LMCD1: variants seen among roughly 807,000 people sequenced by gnomAD.
LMCD1 encodes LIM and cysteine-rich domains protein 1.
In LMCD1, 32 loss-of-function variants were observed where a neutral mutation model predicts 42.7. The observed-to-expected ratio is 0.75, with a 90% CI of 0.57 to 1.01. The LOEUF (loss-of-function observed/expected upper bound fraction) is 1.01, where lower values mean the gene tolerates loss of function less well. Among genes scored for constraint, LMCD1 ranks in the 50% least tolerant of loss-of-function variants. The probability of loss-of-function intolerance (pLI) is 0.00; values close to 1 mark genes in which losing one functional copy is unlikely to be tolerated. For missense variants in LMCD1, 458 were observed against 483.1 expected, an observed-to-expected ratio of 0.95 and a Z score of 0.49; for synonymous variants, 178 against 184.9, an observed-to-expected ratio of 0.96 and a Z score of 0.30.
intron 4 of LMCD1, among the ~76,000 whole-genome samples, chr3:8,552,807 T>G (rs1694864876): frequency 6.6e-6 from 1 of 152,142 alleles, no homozygotes; most frequent in Non-Finnish European, 1.5e-5. Flanking sequence ...CACTGCAAGC[T>G]CCGCCTCCGA....
chr3:8,532,252 A>T (rs889659492), intron 1 of LMCD1, among the ~76,000 whole-genome samples: 8 of 152,176 alleles, frequency 5.3e-5, no homozygotes, highest in Admixed American at 6.5e-5. Flanking sequence ...TATTTAAGTT[A>T]TGCTTCAAGC....
chr3:8,560,239 A>C (rs959325002), intron 4 of LMCD1, among the ~76,000 whole-genome samples: 1 of 150,174 alleles, frequency 6.7e-6, no homozygotes, highest in Non-Finnish European at 1.5e-5. Flanking sequence ...ATCTCTACAA[A>C]AAATTTAAAT....
chr3:8,532,515 G>A (rs1234624819), intron 1 of LMCD1, among the ~76,000 whole-genome samples: 2 of 152,078 alleles, frequency 1.3e-5, no homozygotes, highest in Non-Finnish European at 2.9e-5. Context: ...ATTCTTATTG[G>A]GAAGAGCCCC....
chr3:8,567,742 G>GAT lies in LMCD1; in HGVS notation c.*152_*153dup. On this transcript the variant is annotated 3_prime_UTR_variant, in exon 6 of 6. Transcript: ENST00000157600. ...CTTTTCAGTGAGAATATATATATGAGATATATATAGATATATATTCTAGGT... is the reference window on the plus strand; with the variant it reads ...CTTTTCAGTGAGAATATATATATGAGATATATATATAGATATATATTCTAGGT... The GAT allele has an allele frequency of 1.6e-6, 1 of 623,270 alleles. No individual in the cohort carries two copies. The highest frequency in any genetic ancestry group is 2.5e-6 in the Non-Finnish European group (1 of 401,304). The allele number at this position is 623,270 out of a possible 1,614,324, so 38.6% of individuals were successfully genotyped here. A position where few individuals can be genotyped will look rare whatever the true frequency, so the allele number is the denominator to read the frequency against.
chr3:8,517,668 C>T (rs574141955), intron 1 of LMCD1, among the ~76,000 whole-genome samples: 6 of 152,272 alleles, frequency 3.9e-5, no homozygotes, highest in South Asian at 2.1e-4. Context: ...GCTAAAACGC[C>T]TTTATCATCC....
rs55750013 is a variant in LMCD1 at position 8,556,481 on chromosome 3, A to G, written c.723+7578A>G. 9.1e-3 allele frequency among the ~76,000 whole-genome samples: 1,381 copies of G among 152,220 alleles called. 23 individuals carry two copies. The highest frequency in any genetic ancestry group is 0.031 in the African/African-American group (1,277 of 41,520). ...TACTGTGGATTACAGACAAAAACAA[A>G]AATTTCAAAAAACAAAGCTGAGGAA... On this transcript the variant is annotated intron_variant, in intron 4 of 5. Coordinates refer to ENST00000157600, the MANE Select transcript of LMCD1 (RefSeq NM_014583.4).
chr3:8,505,170 G>A (rs958806762), intron 1 of LMCD1, among the ~76,000 whole-genome samples: 1 of 152,208 alleles, frequency 6.6e-6, no homozygotes, highest in African/African-American at 2.4e-5. Flanking sequence ...ATTTTCTGGT[G>A]AATGAGGACA....
intron 4 of LMCD1, 103 bp from the exon 5 acceptor site, chr3:8,565,329 C>A: frequency 9.9e-7 from 1 of 1,009,120 alleles, no homozygotes; most frequent in Non-Finnish European, 1.5e-6. Context: ...GTGACTTGCC[C>A]AAGGTCACCC....
intron 3 of LMCD1, among the ~76,000 whole-genome samples, chr3:8,542,860 G>A (rs540159556): frequency 6.6e-6 from 1 of 152,190 alleles, no homozygotes; most frequent in Admixed American, 6.5e-5. Context: ...AGAATTAAAT[G>A]GGTTAACGTG....
chr3:8,503,007 C>G (rs1450004298), intron 1 of LMCD1, among the ~76,000 whole-genome samples: 1 of 152,176 alleles, frequency 6.6e-6, no homozygotes, highest in South Asian at 2.1e-4. Context: ...TTCACCAGGT[C>G]ACTTTTCTGA....
intron 3 of LMCD1, among the ~76,000 whole-genome samples, chr3:8,540,353 A>G (rs1694600237): frequency 6.6e-6 from 1 of 152,228 alleles, no homozygotes; most frequent in Non-Finnish European, 1.5e-5. Context: ...ACTGTATACT[A>G]GCCACCATAC....
At chr3:8,552,810 G>A (rs1397256146) in intron 4 of LMCD1, among the ~76,000 whole-genome samples, 4 of 152,074 alleles carry the variant, frequency 2.6e-5, no homozygotes, top group East Asian at 3.9e-4. Flanking sequence ...TGCAAGCTCC[G>A]CCTCCGAGGT....
At chr3:8,506,602 C>T (rs1412490011) in intron 1 of LMCD1, among the ~76,000 whole-genome samples, 1 of 152,208 alleles carries the variant, frequency 6.6e-6, no homozygotes, top group African/African-American at 2.4e-5. Flanking sequence ...GAAGGCAAAT[C>T]GTCCTCTTTT....
At position 8,556,550 on chromosome 3, in the gene LMCD1, G is replaced by A. The variant is rs189529677; in HGVS notation, c.723+7647G>A. Among the ~76,000 whole-genome samples the A allele has an allele frequency of 2.8e-3, 424 of 152,250 alleles. 1 individual carries two copies. The highest frequency in any genetic ancestry group is 9.2e-3 in the Admixed American group (141 of 15,290). ...TGGTGAGTAGTTAATCCAGAACTAG[G>A]ATCCAGACCTGCCTCACTCCAAACC... is the stretch of plus-strand genomic sequence containing the variant. On this transcript the variant is annotated intron_variant, in intron 4 of 5. Transcript: ENST00000157600.
intron 5 of LMCD1, among the ~76,000 whole-genome samples, chr3:8,566,112 A>G (rs1003995589): frequency 3.9e-5 from 6 of 152,354 alleles, no homozygotes; most frequent in African/African-American, 1.4e-4. Flanking sequence ...TGCTTGCCAC[A>G]GGGCCTGACC....
At chr3:8,563,874 C>T (rs1473071779) in intron 4 of LMCD1, among the ~76,000 whole-genome samples, 1 of 152,222 alleles carries the variant, frequency 6.6e-6, no homozygotes, top group African/African-American at 2.4e-5. Flanking sequence ...GCCCCGTGAT[C>T]TTCCTCCCAA....
intron 1 of LMCD1, among the ~76,000 whole-genome samples, chr3:8,503,644 TGAC>T (rs1693814423): frequency 6.6e-6 from 1 of 152,192 alleles, no homozygotes; most frequent in East Asian, 1.9e-4. Flanking sequence ...AACCTGTGGG[TGAC>T]TCATGAGAAT....
At chr3:8,531,393 A>G (rs1694409544) in intron 1 of LMCD1, among the ~76,000 whole-genome samples, 1 of 152,160 alleles carries the variant, frequency 6.6e-6, no homozygotes, top group Non-Finnish European at 1.5e-5. Flanking sequence ...TATTTCCCAT[A>G]TGAATTTATT....
intron 1 of LMCD1, among the ~76,000 whole-genome samples, chr3:8,517,723 C>G (rs900797120): frequency 6.6e-6 from 1 of 152,146 alleles, no homozygotes; most frequent in South Asian, 2.1e-4. Context: ...CAAGTAGTTC[C>G]CAGGCTCAGA....
Sources: gnomAD v4.1 joint callset for allele counts (sites outside exome capture counted in the v4.1 genomes callset) on GRCh38, gnomAD v4.1.1 for gene constraint, MANE v1.5 for transcripts, NCBI Gene and HGNC (gene_info 2026-07-23, HGNC 2026-07-21) for gene names.